Variants in SAMMSON observed in about 807,000 individuals in gnomAD.
The protein encoded by SAMMSON is survival associated mitochondrial melanoma specific oncogenic non-coding RNA, also known as long intergenic non-protein coding RNA 1212.
chr3:70,133,068 A>G (rs1682011577), intron 4 of SAMMSON, among the ~76,000 whole-genome samples: 1 of 152,170 alleles, frequency 6.6e-6, no homozygotes. Flanking sequence ...CCCATTTTCT[A>G]GCACGCAGCT....
At chr3:70,105,179 C>G (rs1039212659) in intron 4 of SAMMSON, among the ~76,000 whole-genome samples, 1 of 152,090 alleles carries the variant, frequency 6.6e-6, no homozygotes, top group Non-Finnish European at 1.5e-5. Flanking sequence ...GGAAAGTAAT[C>G]TTTCCATTGA....
chr3:70,172,418 T>C (rs532061356), intron 4 of SAMMSON: 13 of 152,104 alleles, frequency 8.5e-5, no homozygotes, highest in African/African-American at 3.1e-4. Context: ...GGAAATTCCA[T>C]GCCATTAAGA....
At chr3:70,112,350 G>A (rs541356863) in intron 4 of SAMMSON, among the ~76,000 whole-genome samples, 1 of 152,220 alleles carries the variant, frequency 6.6e-6, no homozygotes, top group African/African-American at 2.4e-5. Flanking sequence ...GCAGCAGTAA[G>A]GGGTGAAGCC....
At chr3:70,020,665 G>A (rs1487546027) in intron 3 of SAMMSON, among the ~76,000 whole-genome samples, 1 of 151,824 alleles carries the variant, frequency 6.6e-6, no homozygotes, top group Non-Finnish European at 1.5e-5. Flanking sequence ...GAGCCTACTT[G>A]GATCTCATTC....
chr3:70,237,979 C>CTTTTTGTTTT (rs1701628018), intron 4 of SAMMSON, among the ~76,000 whole-genome samples: 1 of 48,932 alleles, frequency 2.0e-5, no homozygotes, highest in African/African-American at 1.1e-4. Context: ...TGAGTGGTAT[C>CTTTTTGTTTT]TTTTTTTTTT....
intron 4 of SAMMSON, among the ~76,000 whole-genome samples, chr3:70,166,978 C>A (rs1381700105): frequency 6.6e-6 from 1 of 151,754 alleles, no homozygotes; most frequent in African/African-American, 2.4e-5. Context: ...TAAGGTAAGC[C>A]TCAAATGTAA....
At chr3:70,314,485 A>T (rs546062845) in intron 7 of SAMMSON, among the ~76,000 whole-genome samples, 5 of 152,252 alleles carry the variant, frequency 3.3e-5, no homozygotes, top group Admixed American at 2.6e-4. Flanking sequence ...TAAACTTTAC[A>T]TATTAGTGGG....
intron 6 of SAMMSON, among the ~76,000 whole-genome samples, chr3:70,268,623 A>C (rs1701946432): frequency 6.6e-6 from 1 of 152,178 alleles, no homozygotes; most frequent in African/African-American, 2.4e-5. Context: ...ACAAATGTAT[A>C]TTGACATGTA....
intron 7 of SAMMSON, among the ~76,000 whole-genome samples, chr3:70,296,245 T>G (rs751071655): frequency 3.9e-4 from 60 of 152,210 alleles, no homozygotes; most frequent in Non-Finnish European, 8.4e-4. Context: ...AGTTGTAGTT[T>G]GAAACATGAG....
At chr3:70,116,288 C>CT (rs146871473) in intron 4 of SAMMSON, among the ~76,000 whole-genome samples, 1 of 70,992 alleles carries the variant, frequency 1.4e-5, no homozygotes, top group Non-Finnish European at 2.7e-5. Flanking sequence ...AAGGGCGATG[C>CT]TTTCTTTTTT....
At chr3:70,120,795 G>A (rs2067429712) in intron 4 of SAMMSON, 2 of 152,228 alleles carry the variant, frequency 1.3e-5, no homozygotes, top group Non-Finnish European at 2.9e-5. Flanking sequence ...ATCATATAGA[G>A]CAGTGATCCC....
intron 1 of SAMMSON, among the ~76,000 whole-genome samples, chr3:70,002,617 G>A (rs1019503415): frequency 6.6e-6 from 1 of 152,136 alleles, no homozygotes; most frequent in Admixed American, 6.5e-5. Context: ...GTCATAGCTG[G>A]AAGTAGAGGC....
chr3:70,414,341 A>G (rs1701245405), intron 2 of SAMMSON, among the ~76,000 whole-genome samples: 1 of 152,190 alleles, frequency 6.6e-6, no homozygotes, highest in Non-Finnish European at 1.5e-5. Context: ...TATCAAAATG[A>G]TTAGTTTATT....
chr3:70,083,615 C>G (rs2067274834), intron 4 of SAMMSON, among the ~76,000 whole-genome samples: 1 of 152,160 alleles, frequency 6.6e-6, no homozygotes, highest in African/African-American at 2.4e-5. Flanking sequence ...AGGGGGAGGT[C>G]TTCTTCAAGG....
At chr3:70,126,538 G>A (rs2067459762) in intron 4 of SAMMSON, 4 of 564,902 alleles carry the variant, frequency 7.1e-6, no homozygotes, top group Admixed American at 3.0e-5. Flanking sequence ...GAGTTCGGTC[G>A]GCCGAGGCAG....
At chr3:70,063,882 A>T (rs542863738) in intron 3 of SAMMSON, among the ~76,000 whole-genome samples, 2 of 152,284 alleles carry the variant, frequency 1.3e-5, no homozygotes, top group East Asian at 3.9e-4. Flanking sequence ...TATCTTAAGT[A>T]TCATTAGCAT....
At chr3:70,217,724 G>A (rs946052167) in intron 4 of SAMMSON, among the ~76,000 whole-genome samples, 1 of 152,084 alleles carries the variant, frequency 6.6e-6, no homozygotes, top group African/African-American at 2.4e-5. Context: ...GGCAGTTAAG[G>A]ACATCCATTC....
intron 2 of SAMMSON, among the ~76,000 whole-genome samples, chr3:70,401,112 A>G (rs2106762941): frequency 6.6e-6 from 1 of 152,076 alleles, no homozygotes; most frequent in Middle Eastern, 3.4e-3. Context: ...TTCCTTTTTC[A>G]TTTCCTTCAT....
chr3:70,335,378 A>G (rs1702653408), intron 7 of SAMMSON, among the ~76,000 whole-genome samples: 2 of 152,098 alleles, frequency 1.3e-5, no homozygotes, highest in Non-Finnish European at 2.9e-5. Context: ...AACAAAACAT[A>G]TTTGCTTAGG....
Sources: allele counts gnomAD v4.1 joint callset (sites outside exome capture counted in the v4.1 genomes callset), GRCh38; gene constraint gnomAD v4.1.1; transcripts MANE v1.5; gene names NCBI Gene and HGNC (gene_info 2026-07-23, HGNC 2026-07-21).